The following PTPRN2 variants were observed in gnomAD, a reference collection of about 807,000 sequenced individuals.
The protein encoded by PTPRN2 is receptor-type tyrosine-protein phosphatase N2.
In PTPRN2, 74 loss-of-function variants were observed where a neutral mutation model predicts 118.8. That is an observed-to-expected ratio of 0.62 (90% CI 0.52 to 0.76). PTPRN2 has a LOEUF of 0.76. Among genes scored for constraint, PTPRN2 ranks in the 30% least tolerant of loss-of-function variants. The pLI is 0.00. For missense variants in PTPRN2, 1,481 were observed against 1,394.4 expected, an observed-to-expected ratio of 1.06 and a Z score of -0.99; for synonymous variants, 641 against 608.0, an observed-to-expected ratio of 1.05 and a Z score of -0.80.
intron 1 of PTPRN2, among the ~76,000 whole-genome samples, chr7:158,499,861 A>G (rs200653626): frequency 7.2e-6 from 1 of 137,996 alleles, no homozygotes; most frequent in Non-Finnish European, 1.6e-5. Context: ...GTGTGTGTGT[A>G]TAATTTTAAA....
chr7:157,592,506 G>A (rs1801039687), intron 17 of PTPRN2, among the ~76,000 whole-genome samples: 1 of 152,044 alleles, frequency 6.6e-6, no homozygotes, highest in African/African-American at 2.4e-5. Context: ...GAGGTTGGAT[G>A]TGGGCATCAT....
intron 3 of PTPRN2, among the ~76,000 whole-genome samples, chr7:158,280,222 G>C (rs950425329): frequency 1.3e-5 from 2 of 152,224 alleles, no homozygotes; most frequent in African/African-American, 4.8e-5. Flanking sequence ...AGCACATCTG[G>C]TTTTCCCGGG....
At chr7:158,466,127 G>T (rs912491020) in intron 2 of PTPRN2, among the ~76,000 whole-genome samples, 8 of 152,272 alleles carry the variant, frequency 5.3e-5, no homozygotes, top group African/African-American at 1.9e-4. Flanking sequence ...TACTGAGGTG[G>T]CCACTGTGGT....
At position 157,672,964 on chromosome 7, in the gene PTPRN2, T is replaced by C. The variant is rs1277910354; in HGVS notation, c.2001+9761A>G. Among the ~76,000 whole-genome samples, 3 of 152,256 alleles carry C rather than the reference T, an allele frequency of 2.0e-5. No individual in the cohort carries two copies. The East Asian group carries it at 5.8e-4, about 29-fold the overall frequency. ...ATTCTGGGGCTGCATTATTATCCTG[T>C]ACATTAAAAAATCTTGAAAGGGTGC... On this transcript the variant is annotated intron_variant, in intron 13 of 22. Coordinates refer to ENST00000389418, the MANE Select transcript of PTPRN2 (RefSeq NM_002847.5).
rs1472951020 is a variant in PTPRN2 at position 158,587,720 on chromosome 7, G to T, written c.-51C>A. ...AGTCCATGGCCGCGCGGGAGGCGGC[G>T]GGAGGCGGCCGAGTCCGGGCCCAGG... On this transcript the variant is annotated 5_prime_UTR_variant, in exon 1 of 23. Transcript: ENST00000389418. The T allele has an allele frequency of 2.6e-6, 3 of 1,148,198 alleles. No individual in the cohort carries two copies. Among genetic ancestry groups the T allele is most frequent in the Non-Finnish European group, 3.2e-6 (3 of 935,712 alleles). The allele number at this position is 1,148,198 out of a possible 1,614,324, so 71.1% of individuals were successfully genotyped here.
chr7:157,926,247 A>C (rs1289856140), intron 11 of PTPRN2, among the ~76,000 whole-genome samples: 1 of 152,170 alleles, frequency 6.6e-6, no homozygotes, highest in Admixed American at 6.5e-5. Flanking sequence ...CCAGAGCCAC[A>C]GTATGCTGAG....
intron 10 of PTPRN2, among the ~76,000 whole-genome samples, chr7:158,083,354 C>A (rs539375641): frequency 6.6e-6 from 1 of 152,242 alleles, no homozygotes; most frequent in South Asian, 2.1e-4. Flanking sequence ...CATGTACCCC[C>A]GAAACAACGC....
At chr7:158,264,928 C>A (rs1797772576) in intron 3 of PTPRN2, among the ~76,000 whole-genome samples, 1 of 152,118 alleles carries the variant, frequency 6.6e-6, no homozygotes, top group Admixed American at 6.5e-5. Context: ...CCTTTTCTGC[C>A]TTTACACGAA....
chr7:158,128,155 A>T (rs1375402031), intron 9 of PTPRN2, among the ~76,000 whole-genome samples: 1 of 152,192 alleles, frequency 6.6e-6, no homozygotes, highest in East Asian at 1.9e-4. Context: ...TGTGTCTTGG[A>T]AATTAATAGC....
chr7:158,150,877 G>A (rs117970811), intron 6 of PTPRN2, among the ~76,000 whole-genome samples: 3 of 152,056 alleles, frequency 2.0e-5, no homozygotes, highest in Non-Finnish European at 4.4e-5. Context: ...AACCCAACGT[G>A]CTGGTGGAAT....
chr7:158,220,249 G>C (rs1000901362), intron 3 of PTPRN2, among the ~76,000 whole-genome samples: 2 of 152,054 alleles, frequency 1.3e-5, no homozygotes, highest in Admixed American at 6.6e-5. Flanking sequence ...CATTTCCTGT[G>C]AGAACTGGAA....
At chr7:157,835,063 G>A (rs565662290) in intron 12 of PTPRN2, among the ~76,000 whole-genome samples, 41 of 152,270 alleles carry the variant, frequency 2.7e-4, no homozygotes, top group South Asian at 1.4e-3. Flanking sequence ...CTTCCTTTGA[G>A]AATGAGTGAA....
chr7:158,246,324 C>T (rs1796245116), intron 3 of PTPRN2, among the ~76,000 whole-genome samples: 1 of 151,352 alleles, frequency 6.6e-6, no homozygotes, highest in Non-Finnish European at 1.5e-5. Flanking sequence ...CTCCTGGTGA[C>T]CAAAGACATC....
At chr7:158,441,102 G>A (rs1302227344) in intron 2 of PTPRN2, among the ~76,000 whole-genome samples, 2 of 150,092 alleles carry the variant, frequency 1.3e-5, no homozygotes, top group Admixed American at 6.6e-5. Context: ...GATAGGGGTG[G>A]TAGTGATGGT....
chr7:158,011,321 G>C (rs1325167367), intron 11 of PTPRN2, among the ~76,000 whole-genome samples: 2 of 152,178 alleles, frequency 1.3e-5, no homozygotes, highest in Admixed American at 1.3e-4. Flanking sequence ...GTTAAAAGTT[G>C]GTAGAGGCCT....
At chr7:158,261,383 C>T (rs1481481851) in intron 3 of PTPRN2, among the ~76,000 whole-genome samples, 2 of 152,126 alleles carry the variant, frequency 1.3e-5, no homozygotes, top group African/African-American at 4.8e-5. Context: ...GAGACACAAT[C>T]CCTTCCCCAG....
At chr7:158,330,786 C>G (rs1481822572) in intron 2 of PTPRN2, among the ~76,000 whole-genome samples, 4 of 116,638 alleles carry the variant, frequency 3.4e-5, no homozygotes, top group Non-Finnish European at 7.7e-5. Flanking sequence ...AGACGTCACT[C>G]ACACCCACAC....
chr7:157,771,781 A>ACACTCT (rs1554441223), intron 12 of PTPRN2, among the ~76,000 whole-genome samples: 1 of 109,130 alleles, frequency 9.2e-6, no homozygotes, highest in African/African-American at 6.0e-5. Context: ...AGACACAGAC[A>ACACTCT]CACACTCACA....
intron 11 of PTPRN2, among the ~76,000 whole-genome samples, chr7:157,998,394 C>T (rs913604672): frequency 1.4e-4 from 21 of 152,204 alleles, no homozygotes; most frequent in African/African-American, 2.9e-4. Context: ...GCCATCCATC[C>T]GCTGAGGACA....
Sources: gnomAD v4.1 joint callset for allele counts (sites outside exome capture counted in the v4.1 genomes callset) on GRCh38, gnomAD v4.1.1 for gene constraint, MANE v1.5 for transcripts, NCBI Gene and HGNC (gene_info 2026-07-23, HGNC 2026-07-21) for gene names.